The following PI4KA variants were observed in gnomAD, a reference collection of about 807,000 sequenced individuals.
The protein encoded by PI4KA is phosphatidylinositol 4-kinase alpha.
In PI4KA, 122 loss-of-function variants were observed where a neutral mutation model predicts 271.4. The observed-to-expected ratio is 0.45, with a 90% CI of 0.39 to 0.52. The LOEUF is 0.52. PI4KA is among the 20% of genes least tolerant of loss of function. The pLI, the probability that PI4KA is intolerant of heterozygous loss-of-function variation, is 0.00. For synonymous variants in PI4KA, 1,041 were observed against 1,078.8 expected (o/e 0.96, Z 0.69); for missense variants, 1,969 against 2,769.1 (o/e 0.71, Z 6.48).
rs373764832 is a variant in PI4KA at position 20,771,312 on chromosome 22, A to T, written c.2329-5619T>A. Among the ~76,000 whole-genome samples, 16 of 152,072 alleles carry T rather than the reference A, an allele frequency of 1.1e-4. No individual in the cohort carries two copies. The South Asian group carries it at 2.9e-3, about 28-fold the overall frequency. On this transcript the variant is annotated intron_variant, in intron 19 of 54. Transcript: ENST00000255882. Reference sequence around the variant, plus strand: ...GTGGTGGGCACCTGTAGTCCCAGCTACTAGGGAGGCTGAGGCAGGAGAATG... The same window carrying T: ...GTGGTGGGCACCTGTAGTCCCAGCTTCTAGGGAGGCTGAGGCAGGAGAATG...
intron 32 of PI4KA, among the ~76,000 whole-genome samples, chr22:20,737,285 G>A (rs1038908362): frequency 2.0e-5 from 3 of 152,222 alleles, no homozygotes; most frequent in Admixed American, 6.5e-5. Flanking sequence ...GGGAAAAGCA[G>A]TTAGGCTCCC....
At chr22:20,721,741 G>C (rs906326581) in intron 42 of PI4KA, 3 of 273,872 alleles carry the variant, frequency 1.1e-5, no homozygotes, top group African/African-American at 6.3e-5. Flanking sequence ...AGAAAAAGCA[G>C]GCTGGGTACT....
chr22:20,788,828 C>T (rs748714117), intron 19 of PI4KA, among the ~76,000 whole-genome samples: 32 of 152,136 alleles, frequency 2.1e-4, no homozygotes, highest in Non-Finnish European at 4.1e-4. Flanking sequence ...TTTTCTGGTG[C>T]CTGTCCTATA....
Position 20,844,274 on chromosome 22 carries a change from A to C in PI4KA, c.157-5543T>G, listed in dbSNP as rs73879406. Reference sequence around the variant, plus strand: ...CTACTTAATGGGACTAAAGCGGCCAAGGTCACAGACATTTGATAAGGTGAG... The same window carrying C: ...CTACTTAATGGGACTAAAGCGGCCACGGTCACAGACATTTGATAAGGTGAG... On this transcript the variant is annotated intron_variant, in intron 1 of 54. Coordinates refer to ENST00000255882, the MANE Select transcript of PI4KA (RefSeq NM_058004.4). 2.9e-3 allele frequency among the ~76,000 whole-genome samples: 447 copies of C among 152,308 alleles called. 1 individual carries two copies. The highest frequency in any genetic ancestry group is 0.01 in the African/African-American group (421 of 41,570).
intron 1 of PI4KA, among the ~76,000 whole-genome samples, chr22:20,842,610 C>T (rs1874797197): frequency 6.8e-6 from 1 of 147,600 alleles, no homozygotes; most frequent in Admixed American, 6.8e-5. Context: ...GCCAGGAGTT[C>T]GAGACTATCC....
At chr22:20,711,661 T>G (rs1183562035) in intron 50 of PI4KA, among the ~76,000 whole-genome samples, 200 bp from the exon 51 acceptor site, 1 of 152,140 alleles carries the variant, frequency 6.6e-6, no homozygotes, top group African/African-American at 2.4e-5. Context: ...GTGCAGGCAC[T>G]TCCTCCCACA....
At chr22:20,826,523 C>A (rs5760858) in intron 3 of PI4KA, among the ~76,000 whole-genome samples, 10,399 of 152,064 alleles carry the variant, frequency 0.068, 349 homozygotes, top group East Asian at 0.079. Context: ...CTTACGCATG[C>A]ATCTTTACAG....
intron 28 of PI4KA, 50 bp downstream of exon 28, chr22:20,749,855 T>G (rs1397085586): frequency 8.1e-6 from 9 of 1,114,698 alleles, no homozygotes; most frequent in Non-Finnish European, 1.1e-5. Context: ...AAAGCTTTTT[T>G]GGGAGTTTGA....
intron 19 of PI4KA, among the ~76,000 whole-genome samples, chr22:20,774,500 C>A (rs560878319): frequency 1.3e-5 from 2 of 152,288 alleles, no homozygotes; most frequent in African/African-American, 4.8e-5. Context: ...CAGTGGCTCA[C>A]GCCTGTAATC....
At position 20,718,584 on chromosome 22, in the gene PI4KA, T is replaced by C. The variant is rs1926304401; in HGVS notation, c.5246+109A>G. ...CCCCGCTGCTAGAGACTCTCATTCA[T>C]CTGGTTGGGGCCAGGCACGGGTATT... On this transcript the variant is annotated intron_variant, in intron 44 of 54. Transcript: ENST00000255882. 5 of 1,278,764 alleles carry C rather than the reference T, an allele frequency of 3.9e-6. No homozygotes were observed. In the East Asian group the frequency reaches 7.0e-5, roughly 18 times the overall value. The allele number at this position is 1,278,764 out of a possible 1,614,324, so 79.2% of individuals were successfully genotyped here. A position where few individuals can be genotyped will look rare whatever the true frequency, so the allele number is the denominator to read the frequency against.
At chr22:20,743,227 C>T (rs757271417) in intron 30 of PI4KA, among the ~76,000 whole-genome samples, 13 of 152,068 alleles carry the variant, frequency 8.5e-5, no homozygotes, top group Non-Finnish European at 1.8e-4. Flanking sequence ...CTCAGTGCAA[C>T]CTCCGCCTCC....
At position 20,775,148 on chromosome 22, in the gene PI4KA, A is replaced by G. The variant is rs117484327; in HGVS notation, c.2329-9455T>C. ...CTCTGATGCGTGACTGAAAAGGCCA[A>G]CCCAGCTCTGGCAATTAGCAAGAAA... On this transcript the variant is annotated intron_variant, in intron 19 of 54. Transcript: ENST00000255882. 7.5e-3 allele frequency among the ~76,000 whole-genome samples: 1,149 copies of G among 152,232 alleles called. 11 individuals are homozygous for G. Among genetic ancestry groups the G allele is most frequent in the East Asian group, 0.055 (285 of 5,186 alleles).
chr22:20,748,533 T>C (rs1023767205), intron 28 of PI4KA, among the ~76,000 whole-genome samples: 5 of 152,164 alleles, frequency 3.3e-5, no homozygotes, highest in African/African-American at 9.7e-5. Context: ...GGAGGCCTCC[T>C]GCTCTGGGGA....
chr22:20,754,325 C>G (rs987812919), intron 23 of PI4KA, among the ~76,000 whole-genome samples: 8 of 150,836 alleles, frequency 5.3e-5, no homozygotes, highest in South Asian at 4.2e-4. Context: ...CTGGGTCAAG[C>G]AATCCTTCTG....
At chr22:20,819,171 T>C (rs1258201577) in intron 6 of PI4KA, among the ~76,000 whole-genome samples, 1 of 152,238 alleles carries the variant, frequency 6.6e-6, no homozygotes, top group Non-Finnish European at 1.5e-5. Flanking sequence ...GTGTAATCTA[T>C]AGTAGCGGCA....
At chr22:20,789,701 G>A (rs1180607452) in intron 19 of PI4KA, among the ~76,000 whole-genome samples, 2 of 152,212 alleles carry the variant, frequency 1.3e-5, no homozygotes, top group African/African-American at 4.8e-5. Context: ...CTCAATCTAA[G>A]AGAGTACATA....
At chr22:20,824,787 T>C (rs1923184286) in intron 3 of PI4KA, among the ~76,000 whole-genome samples, 1 of 135,712 alleles carries the variant, frequency 7.4e-6, no homozygotes, top group Non-Finnish European at 1.6e-5. Flanking sequence ...CACAAAACAC[T>C]CGGCTGGGCG....
At chr22:20,813,671 C>T (rs1212337677) in intron 7 of PI4KA, among the ~76,000 whole-genome samples, 165 bp from the exon 8 acceptor site, 1 of 152,166 alleles carries the variant, frequency 6.6e-6, no homozygotes, top group Non-Finnish European at 1.5e-5. Flanking sequence ...ATTGCAAATC[C>T]TTGGGGACTG....
At chr22:20,842,271 G>A (rs1233764552) in intron 1 of PI4KA, among the ~76,000 whole-genome samples, 1 of 151,924 alleles carries the variant, frequency 6.6e-6, no homozygotes, top group Non-Finnish European at 1.5e-5. Context: ...TTGGAAATGA[G>A]TTCTCCCCTA....
Sources: gnomAD v4.1 joint callset for allele counts (sites outside exome capture counted in the v4.1 genomes callset) on GRCh38, gnomAD v4.1.1 for gene constraint, MANE v1.5 for transcripts, NCBI Gene and HGNC (gene_info 2026-07-23, HGNC 2026-07-21) for gene names.